Variants in CACNA2D4 observed in about 807,000 individuals in gnomAD.
CACNA2D4 encodes the protein calcium voltage-gated channel auxiliary subunit alpha2delta 4.
CACNA2D4 carries 157 observed loss-of-function variants against 163.8 expected under a neutral mutation model. The ratio of observed to expected loss-of-function variants is 0.96; its 90% CI spans 0.84 to 1.09. The LOEUF (loss-of-function observed/expected upper bound fraction) is 1.09. Among genes scored for constraint, CACNA2D4 ranks in the 50% least tolerant of loss-of-function variants. CACNA2D4 has a pLI of 0.00. For synonymous variants in CACNA2D4, 598 were observed against 586.9 expected, an observed-to-expected ratio of 1.02 and a Z score of -0.27; for missense variants, 1,410 against 1,479.9, an observed-to-expected ratio of 0.95 and a Z score of 0.78.
chr12:1,804,573 TC>T (rs1423086869), intron 29 of CACNA2D4, among the ~76,000 whole-genome samples: 3 of 152,234 alleles, frequency 2.0e-5, no homozygotes, highest in African/African-American at 7.2e-5. Flanking sequence ...ATATCCATTC[TC>T]CCCGTCTTCT....
chr12:1,796,666 G>A (rs1000251475), intron 35 of CACNA2D4, among the ~76,000 whole-genome samples: 1 of 152,220 alleles, frequency 6.6e-6, no homozygotes, highest in South Asian at 2.1e-4. Context: ...GGGGGAGAAG[G>A]GAGCCCCGAT....
intron 29 of CACNA2D4, among the ~76,000 whole-genome samples, chr12:1,808,368 A>T (rs1156911987): frequency 6.6e-6 from 1 of 152,216 alleles, no homozygotes; most frequent in Non-Finnish European, 1.5e-5. Flanking sequence ...GGGGAAAAAA[A>T]GTCAAAAGAT....
rs866688272 is a variant in CACNA2D4 at position 1,878,533 on chromosome 12, G to A, written c.1645-144C>T. On this transcript the variant is annotated intron_variant, in intron 15 of 37. Transcript: ENST00000382722. The surrounding 1 kb of genome is among the most constrained non-coding windows in gnomAD (Gnocchi z 4.6). ...TTTCAATAGGAACGTAACTGAGCCA[G>A]TGCCATGCTTCCATCATTGATTGAG... 4.0e-5 allele frequency: 58 copies of A among 1,444,764 alleles called. 1 individual carries two copies. The South Asian group carries it at 7.0e-4, about 17-fold the overall frequency. 89.5% of individuals were successfully genotyped at this position (1,444,764 alleles called of 1,614,324 possible). A position where few individuals can be genotyped will look rare whatever the true frequency, so the allele number is the denominator to read the frequency against.
At position 1,834,607 on chromosome 12, in the gene CACNA2D4, CAT is replaced by C. The variant is rs1864773316; in HGVS notation, c.2551+6130_2551+6131del. 1 of 1,599,974 alleles carries C rather than the reference CAT, an allele frequency of 6.3e-7. No homozygotes were observed. The highest frequency in any genetic ancestry group is 8.5e-7 in the Non-Finnish European group (1 of 1,179,920). ...TGGTGGTGGCCGCTGCCTATGGCTG[CAT>C]CTACGCCTCCCTCATGGCCAAGTAC... is the stretch of plus-strand genomic sequence containing the variant. On this transcript the variant is annotated intron_variant, in intron 26 of 37. Coordinates refer to ENST00000382722, the MANE Select transcript of CACNA2D4 (RefSeq NM_172364.5). This position sits in a 1 kb window ranked among gnomAD's most constrained non-coding sequence, Gnocchi z 7.6.
chr12:1,839,360 G>A (rs1864961174), intron 26 of CACNA2D4, among the ~76,000 whole-genome samples: 1 of 152,222 alleles, frequency 6.6e-6, no homozygotes, highest in African/African-American at 2.4e-5. Flanking sequence ...TCATCGCAGG[G>A]ACCTGATCGT....
intron 35 of CACNA2D4, 88 bp downstream of exon 35, chr12:1,797,330 C>A: frequency 1.0e-6 from 1 of 970,796 alleles, no homozygotes. Context: ...AGCCGTTTCC[C>A]GGGGGTTCCG....
intron 26 of CACNA2D4, among the ~76,000 whole-genome samples, chr12:1,823,653 C>G (rs1221048742): frequency 1.3e-5 from 2 of 152,040 alleles, no homozygotes; most frequent in African/African-American, 4.8e-5. Flanking sequence ...TCTAGAAAGC[C>G]CCCCACCTTC....
rs572181036 is a variant in CACNA2D4, at chr12:1,798,490, C to T, written c.2996-955G>A. ...TAGCTGGCGTGCAGAAAACTCTCAC[C>T]GAGAGGAGCAAGCCCACAGCGGCCA... On this transcript the variant is annotated intron_variant, in intron 34 of 37. Transcript: ENST00000382722. The surrounding 1 kb of genome is among the most constrained non-coding windows in gnomAD (Gnocchi z 4.3). Among the ~76,000 whole-genome samples, 14 of 152,212 alleles carry T rather than the reference C, an allele frequency of 9.2e-5. No individual in the cohort carries two copies. Among genetic ancestry groups the T allele is most frequent in the Non-Finnish European group, 2.1e-4 (14 of 67,980 alleles).
rs1048506289 is a variant in CACNA2D4, at chr12:1,833,299, G to T, written c.2551+7440C>A. Among the ~76,000 whole-genome samples, 1 of 152,130 alleles carries T rather than the reference G, an allele frequency of 6.6e-6. No homozygotes were observed. Among genetic ancestry groups the T allele is most frequent in the African/African-American group, 2.4e-5 (1 of 41,406 alleles). ...TGCAGCCCGCATCTTTTCGGCAGGG[G>T]GTCTAGTGCCTGCATCCAGATTTCA... On this transcript the variant is annotated intron_variant, in intron 26 of 37. Transcript: ENST00000382722. This position sits in a 1 kb window ranked among gnomAD's most constrained non-coding sequence, Gnocchi z 4.2.
intron 30 of CACNA2D4, 150 bp from the exon 31 acceptor site, chr12:1,801,268 A>C (rs1863315729): frequency 1.4e-6 from 1 of 706,598 alleles, no homozygotes; most frequent in Non-Finnish European, 2.6e-6. Context: ...CTCATGCTGA[A>C]AATTACATTT....
chr12:1,902,656 CA>C (rs1272576473), intron 6 of CACNA2D4, among the ~76,000 whole-genome samples: 1 of 151,672 alleles, frequency 6.6e-6, no homozygotes, highest in Non-Finnish European at 1.5e-5. Context: ...TTAATTTAAC[CA>C]AAAAAGTGAA....
intron 7 of CACNA2D4, 82 bp downstream of exon 7, chr12:1,886,927 G>C: frequency 1.1e-6 from 1 of 926,688 alleles, no homozygotes; most frequent in Non-Finnish European, 1.7e-6. Context: ...GGGAAGGGGC[G>C]GAAGTGGAGG....
chr12:1,799,894 G>A lies in CACNA2D4; in HGVS notation c.2974+106C>T. The stretch of plus-strand genomic sequence containing the variant: ...TGAGATGTGAACAACGATGCTTCAG[G>A]GTCACCTATCCCCACTGTCACCCAC... On this transcript the variant is annotated intron_variant, in intron 33 of 37. Coordinates refer to ENST00000382722, the MANE Select transcript of CACNA2D4 (RefSeq NM_172364.5). The surrounding 1 kb of genome is among the most constrained non-coding windows in gnomAD (Gnocchi z 4.7). 3.0e-6 allele frequency: 4 copies of A among 1,330,880 alleles called. No homozygotes were observed. 82.4% of individuals were successfully genotyped at this position (1,330,880 alleles called of 1,614,324 possible). A position where few individuals can be genotyped will look rare whatever the true frequency, so the allele number is the denominator to read the frequency against.
intron 2 of CACNA2D4, 43 bp from the exon 3 acceptor site, chr12:1,913,182 A>G (rs1866877768): frequency 7.2e-7 from 1 of 1,379,766 alleles, no homozygotes. Context: ...GTGGTTTTGT[A>G]CCAGGATAGT....
Position 1,885,984 on chromosome 12 carries a change from G to A in CACNA2D4, c.1049C>T (p.Ala350Val), listed in dbSNP as rs200348756. The A allele has an allele frequency of 1.4e-5, 22 of 1,613,016 alleles. No homozygotes were observed. Among genetic ancestry groups the A allele is most frequent in the East Asian group, 2.2e-5 (1 of 44,866 alleles). ...ACTCACCTCTCGATTGTCTCGGTCC[G>A]CCTGGACGAGGATCCCTTTAAAACA... ...EPCFKGILVQ[A>V]DRDNREHFKL... Residue 350 changes from alanine (A) to valine (V), a missense_variant, in exon 9 of 38, where the codon GCG becomes GTG. Coordinates refer to ENST00000382722, the MANE Select transcript of CACNA2D4 (RefSeq NM_172364.5).
chr12:1,797,320 A>G (rs1394943920), intron 35 of CACNA2D4, 98 bp downstream of exon 35: 4 of 874,622 alleles, frequency 4.6e-6, no homozygotes, highest in East Asian at 5.3e-5. Context: ...CCGGCTGTGG[A>G]GCCGTTTCCC....
Position 1,856,234 on chromosome 12 carries a change from A to C in CACNA2D4, c.2009-5T>G. 6.2e-7 allele frequency: 1 copy of C among 1,614,038 alleles called. No homozygotes were observed. Among genetic ancestry groups the C allele is most frequent in the Non-Finnish European group, 8.5e-7 (1 of 1,179,894 alleles). On this transcript the variant is annotated splice_polypyrimidine_tract_variant and splice_region_variant and intron_variant, in intron 20 of 37. Transcript: ENST00000382722. The stretch of plus-strand genomic sequence containing the variant: ...GGTGAAGCAAGTCATGCAGGCCTGA[A>C]ACCAGAGTCCACATTCAGGGTGATG...
In CACNA2D4 at chr12:1,918,385, G is replaced by A. The variant is rs1867049830; in HGVS notation, c.89C>T (p.Ser30Phe). 2 of 1,602,550 alleles carry A rather than the reference G, an allele frequency of 1.2e-6. No homozygotes were observed. Among genetic ancestry groups the A allele is most frequent in the Non-Finnish European group, 8.5e-7 (1 of 1,174,948 alleles). ...CTGGAGGGGAATCCAGCGGCTGCTG[G>A]AGCTGGGGTTTGCGAGGAAGTTGGG... Reference protein sequence around the residue: ...ATPNFLANPSSSSRWIPLQPM... With the variant: ...ATPNFLANPSFSSRWIPLQPM... The change falls in exon 1 of 38, where the codon TCC (serine) becomes TTC (phenylalanine). Residue 30 changes from serine (S) to phenylalanine (F), a missense_variant. Ser to Phe is a radical substitution (Grantham distance 155, BLOSUM62 -2). Transcript: ENST00000382722.
At chr12:1,906,059 A>G (rs547941925) in intron 6 of CACNA2D4, among the ~76,000 whole-genome samples, 99 of 152,320 alleles carry the variant, frequency 6.5e-4, no homozygotes, top group Non-Finnish European at 4.4e-5. Context: ...TGACAAGAGT[A>G]CCAAGACCAT....
Sources: allele counts gnomAD v4.1 joint callset (sites outside exome capture counted in the v4.1 genomes callset), GRCh38; gene constraint gnomAD v4.1.1; non-coding constraint Gnocchi (gnomAD v3.1); transcripts MANE v1.5; gene names NCBI Gene and HGNC (gene_info 2026-07-23, HGNC 2026-07-21).